The following PAK1 variants were observed in gnomAD, a reference collection of about 807,000 sequenced individuals.
PAK1 encodes the protein serine/threonine-protein kinase PAK 1.
PAK1 carries 29 observed loss-of-function variants against 67.4 expected under a neutral mutation model. That is an observed-to-expected ratio of 0.43 (90% CI 0.32 to 0.59). The LOEUF is 0.59. Ranked by LOEUF, PAK1 falls within the 20% of genes least tolerant of loss-of-function variation. The pLI is 0.07. For missense variants in PAK1, 337 were observed against 670.7 expected (o/e 0.50, Z 5.50); for synonymous variants, 223 against 237.4 (o/e 0.94, Z 0.56).
intron 1 of PAK1, among the ~76,000 whole-genome samples, chr11:77,431,472 T>C (rs925140504): frequency 6.6e-6 from 1 of 152,154 alleles, no homozygotes; most frequent in African/African-American, 2.4e-5. Context: ...CCTAATACCC[T>C]CTTCAGTGGT....
chr11:77,344,003 C>A, intron 9 of PAK1, 72 bp from the exon 10 acceptor site: 6 of 937,248 alleles, frequency 6.4e-6, no homozygotes, highest in Non-Finnish European at 1.1e-5. Context: ...AAGTACCAGA[C>A]CTTAAGTACT....
intron 2 of PAK1, among the ~76,000 whole-genome samples, chr11:77,386,253 G>A (rs956227054): frequency 4.6e-5 from 7 of 152,092 alleles, no homozygotes; most frequent in Non-Finnish European, 7.4e-5. Context: ...ACCTCTCATT[G>A]GCTCCACTGA....
chr11:77,456,190 A>C (rs1957070957), intron 1 of PAK1, among the ~76,000 whole-genome samples: 1 of 152,170 alleles, frequency 6.6e-6, no homozygotes, highest in East Asian at 1.9e-4. Flanking sequence ...TAAAAAAAAT[A>C]CCATACTAGA....
intron 1 of PAK1, among the ~76,000 whole-genome samples, chr11:77,401,780 T>G (rs1241954605): frequency 6.6e-6 from 1 of 152,230 alleles, no homozygotes; most frequent in Non-Finnish European, 1.5e-5. Context: ...CCACTACTTC[T>G]GCTCCCGAAA....
upstream of PAK1, among the ~76,000 whole-genome samples, chr11:77,477,440 A>AAG (rs750443771): frequency 3.5e-3 from 539 of 152,028 alleles, 3 homozygotes; most frequent in Non-Finnish European, 4.0e-3. Flanking sequence ...GATTAATAAA[A>AAG]AGAGGCCAGA....
chr11:77,379,478 G>T, intron 3 of PAK1, 90 bp from the exon 4 acceptor site: 1 of 1,139,014 alleles, frequency 8.8e-7, no homozygotes, highest in Non-Finnish European at 1.3e-6. Flanking sequence ...CTTGCTAGCA[G>T]CAAAAGATGC....
At chr11:77,505,887 C>T in the PAK1 span, among the ~76,000 whole-genome samples, 1 of 152,124 alleles carries the variant, frequency 6.6e-6, no homozygotes, top group South Asian at 2.1e-4. Flanking sequence ...AGAGCAGGTC[C>T]TAAGAAGGAG....
intron 1 of PAK1, among the ~76,000 whole-genome samples, chr11:77,428,618 A>G (rs1955685774): frequency 6.6e-6 from 1 of 151,812 alleles, no homozygotes; most frequent in Non-Finnish European, 1.5e-5. Flanking sequence ...GGGCAGCCCA[A>G]CACTGTGGTC....
the PAK1 span, among the ~76,000 whole-genome samples, chr11:77,516,158 GACTT>G: frequency 3.3e-5 from 5 of 152,192 alleles, no homozygotes; most frequent in Non-Finnish European, 5.9e-5. Context: ...TTCTTGAAAA[GACTT>G]AATGTGTTAA....
intron 11 of PAK1, among the ~76,000 whole-genome samples, chr11:77,338,106 G>T (rs1943015010): frequency 6.6e-6 from 1 of 152,040 alleles, no homozygotes; most frequent in South Asian, 2.1e-4. Flanking sequence ...AGACACAATG[G>T]TACAATTAAA....
chr11:77,523,957 C>T, the PAK1 span, among the ~76,000 whole-genome samples: 1 of 152,064 alleles, frequency 6.6e-6, no homozygotes, highest in Non-Finnish European at 1.5e-5. Context: ...TTACTGAGAT[C>T]CTTCTGTGTG....
chr11:77,327,975 G>T (rs553554165), intron 14 of PAK1, among the ~76,000 whole-genome samples: 49 of 152,222 alleles, frequency 3.2e-4, no homozygotes, highest in African/African-American at 1.2e-3. Flanking sequence ...AGAAGGCAGG[G>T]ATTGCAATCC....
Position 77,347,162 on chromosome 11 carries a change from C to A in PAK1, c.885+2077G>T, listed in dbSNP as rs182286433. 5.0e-4 allele frequency: 225 copies of A among 448,642 alleles called. 1 individual carries two copies. Among genetic ancestry groups the A allele is most frequent in the Admixed American group, 8.7e-4 (36 of 41,342 alleles). 27.8% of individuals were successfully genotyped at this position (448,642 alleles called of 1,614,324 possible). On this transcript the variant is annotated intron_variant, in intron 9 of 14. Coordinates refer to ENST00000356341, the MANE Select transcript of PAK1 (RefSeq NM_002576.5). Reference sequence around the variant, plus strand: ...CCTTCCATTCATAGTTTTGTAACCACAAGACACGCATACAATGAATTTAAA... The same window carrying A: ...CCTTCCATTCATAGTTTTGTAACCAAAAGACACGCATACAATGAATTTAAA...
rs560130108 is a variant in PAK1 at position 77,418,004 on chromosome 11, G to A, written c.-21-25463C>T. ...ACCTGCCTCGGCCTCCCAAAGTGCT[G>A]GGATTACAGGCGTGAGCCACTGCGC... On this transcript the variant is annotated intron_variant, in intron 1 of 14. Transcript: ENST00000356341. 2.0e-5 allele frequency among the ~76,000 whole-genome samples: 3 copies of A among 152,122 alleles called. No individual in the cohort carries two copies. The South Asian group carries it at 6.2e-4, about 32-fold the overall frequency.
the PAK1 span, among the ~76,000 whole-genome samples, chr11:77,485,916 C>T: frequency 6.6e-6 from 1 of 152,226 alleles, no homozygotes; most frequent in Non-Finnish European, 1.5e-5. Flanking sequence ...CTCCACCTCT[C>T]TTACGGTAAA....
rs1242854310 is a variant in PAK1 at position 77,323,310 on chromosome 11, A to G, written c.1602T>C (p.Ile534=). ...TCTTTGTTGCCTCCTTAGCTGCAGC[A>G]ATCAGTGGAGTGAGGCTGGAGAGGG... ...AKPLSSLTPL[I]AAAKEATKNN... The change falls in exon 15 of 15, where the codon ATT becomes ATC. Residue 534 remains isoleucine, a synonymous_variant. Transcript: ENST00000356341. 6.2e-7 allele frequency: 1 copy of G among 1,613,984 alleles called. No homozygotes were observed. The highest frequency in any genetic ancestry group is 8.5e-7 in the Non-Finnish European group (1 of 1,179,982).
At chr11:77,499,221 T>C in the PAK1 span, among the ~76,000 whole-genome samples, 2 of 152,024 alleles carry the variant, frequency 1.3e-5, no homozygotes, top group African/African-American at 4.8e-5. Context: ...GGAATATCTA[T>C]TGTTAACATT....
intron 9 of PAK1, among the ~76,000 whole-genome samples, chr11:77,348,343 C>T (rs1471464387): frequency 6.6e-6 from 1 of 152,196 alleles, no homozygotes; most frequent in Non-Finnish European, 1.5e-5. Context: ...TATTAAAATG[C>T]AAGGAAACCT....
intron 1 of PAK1, among the ~76,000 whole-genome samples, chr11:77,433,543 G>A (rs771604345): frequency 1.3e-5 from 2 of 152,122 alleles, no homozygotes; most frequent in South Asian, 4.1e-4. Context: ...ACTTTGGGGG[G>A]CCGAGGCAGG....
Sources: allele counts gnomAD v4.1 joint callset (sites outside exome capture counted in the v4.1 genomes callset), GRCh38; gene constraint gnomAD v4.1.1; transcripts MANE v1.5; gene names NCBI Gene and HGNC (gene_info 2026-07-23, HGNC 2026-07-21).